ANKRD30BL: variants seen among roughly 807,000 people sequenced by gnomAD.
ANKRD30BL encodes the protein putative ankyrin repeat domain-containing protein 30B-like.
ANKRD30BL carries 20 observed loss-of-function variants against 18.4 expected under a neutral mutation model. The ratio of observed to expected loss-of-function variants is 1.09; its 90% CI spans 0.77 to 1.58. ANKRD30BL has a LOEUF of 1.58. ANKRD30BL is among the 40% of genes most tolerant of loss of function. ANKRD30BL has a pLI of 0.00. For synonymous variants in ANKRD30BL, 72 were observed against 100.9 expected (o/e 0.71, Z 1.72); for missense variants, 224 against 268.6 (o/e 0.83, Z 1.16).
chr2:132,212,480 A>G (rs1183457668), intron 1 of ANKRD30BL, among the ~76,000 whole-genome samples: 1 of 151,862 alleles, frequency 6.6e-6, no homozygotes, highest in Non-Finnish European at 1.5e-5. Flanking sequence ...TTCACATAAA[A>G]ACTGTTCAGA....
At chr2:132,216,968 G>A (rs79138003) in intron 1 of ANKRD30BL, among the ~76,000 whole-genome samples, 1 of 152,150 alleles carries the variant, frequency 6.6e-6, no homozygotes, top group Non-Finnish European at 1.5e-5. Flanking sequence ...TCTTTGTGAT[G>A]TGTGAATTCA....
At chr2:132,233,148 C>A (rs1391762158) in intron 1 of ANKRD30BL, among the ~76,000 whole-genome samples, 3 of 150,986 alleles carry the variant, frequency 2.0e-5, no homozygotes, top group Non-Finnish European at 3.0e-5. Flanking sequence ...GAGATTTTGT[C>A]ACCACCAGGC....
intron 1 of ANKRD30BL, among the ~76,000 whole-genome samples, chr2:132,228,748 C>A (rs1488122335): frequency 3.5e-5 from 5 of 144,248 alleles, no homozygotes; most frequent in South Asian, 2.1e-4. Context: ...GCTTTGTGGC[C>A]TATGGTAGAA....
chr2:132,224,521 T>C (rs962733402), intron 1 of ANKRD30BL, among the ~76,000 whole-genome samples: 1 of 152,114 alleles, frequency 6.6e-6, no homozygotes, highest in African/African-American at 2.4e-5. Context: ...CTTTGTGATG[T>C]GTGCATTCAA....
chr2:132,194,901 C>T (rs1020056478), intron 1 of ANKRD30BL, among the ~76,000 whole-genome samples: 2 of 152,158 alleles, frequency 1.3e-5, no homozygotes, highest in African/African-American at 4.8e-5. Context: ...AATACCATCC[C>T]ATCTTATCTC....
chr2:132,243,064 C>G (rs1031962829), intron 1 of ANKRD30BL, among the ~76,000 whole-genome samples: 5 of 151,362 alleles, frequency 3.3e-5, no homozygotes, highest in African/African-American at 1.2e-4. Context: ...TCACATAAAA[C>G]TAGACAGAGG....
At chr2:132,251,595 T>A (rs375917245) in intron 1 of ANKRD30BL, among the ~76,000 whole-genome samples, 2 of 152,202 alleles carry the variant, frequency 1.3e-5, no homozygotes, top group African/African-American at 4.8e-5. Context: ...AAGCCACAGA[T>A]AGTTTTGTTA....
At position 132,182,613 on chromosome 2, in the gene ANKRD30BL, G is replaced by A. The variant is rs1263207495; in HGVS notation, n.442-25467C>T. On this transcript the variant is annotated intron_variant and non_coding_transcript_variant, in intron 1 of 4. Coordinates refer to the ANKRD30BL transcript ENST00000470729. ...TGCACAATAGGAAGAAATAAGTTAG[G>A]GATGGATACAAATTGAAAGAAGGAT... 2.6e-5 allele frequency among the ~76,000 whole-genome samples: 4 copies of A among 152,180 alleles called. No individual in the cohort carries two copies. In the East Asian group the frequency reaches 7.7e-4, roughly 29 times the overall value.
rs576289305 is a variant in ANKRD30BL, at chr2:132,246,280, G to A, written n.441+11249C>T. Among the ~76,000 whole-genome samples the A allele has an allele frequency of 1.1e-4, 17 of 151,216 alleles. No individual in the cohort carries two copies. In the South Asian group the frequency reaches 1.9e-3, roughly 17 times the overall value. ...AAACTTGGAGCGCTTTGAGGTGTAC[G>A]GTGAAAAAGGAAATATCTTCCCATA... On this transcript the variant is annotated intron_variant and non_coding_transcript_variant, in intron 1 of 4. Coordinates refer to the ANKRD30BL transcript ENST00000470729.
At chr2:132,242,007 T>C (rs796095087) in intron 1 of ANKRD30BL, among the ~76,000 whole-genome samples, 4 of 151,342 alleles carry the variant, frequency 2.6e-5, no homozygotes, top group East Asian at 1.9e-4. Context: ...TTGAGACCTA[T>C]GGTGAAAAAG....
intron 1 of ANKRD30BL, among the ~76,000 whole-genome samples, chr2:132,205,098 CCCTGGAT>C (rs1394799589): frequency 9.2e-5 from 14 of 152,222 alleles, no homozygotes; most frequent in South Asian, 2.1e-4. Flanking sequence ...ATTTTTGCTT[CCCTGGAT>C]CATTTACTGG....
intron 1 of ANKRD30BL, among the ~76,000 whole-genome samples, chr2:132,218,436 G>T (rs987113007): frequency 2.2e-5 from 3 of 138,532 alleles, no homozygotes; most frequent in African/African-American, 8.1e-5. Context: ...GAGCTTTGAG[G>T]CCTATGGTGG....
Position 132,225,550 on chromosome 2 carries a change from A to G in ANKRD30BL, n.441+31979T>C, listed in dbSNP as rs571664587. Reference sequence around the variant, plus strand: ...AAACTTCTTGTGATGTGTACATTCAACTCACAGAGTTGAAACTTTCTTTTG... The same window carrying G: ...AAACTTCTTGTGATGTGTACATTCAGCTCACAGAGTTGAAACTTTCTTTTG... On this transcript the variant is annotated intron_variant and non_coding_transcript_variant, in intron 1 of 4. Coordinates refer to the ANKRD30BL transcript ENST00000470729. 1.7e-3 allele frequency among the ~76,000 whole-genome samples: 255 copies of G among 152,126 alleles called. 1 individual carries two copies. The highest frequency in any genetic ancestry group is 5.7e-3 in the African/African-American group (235 of 41,526).
At chr2:132,237,791 T>C (rs148066890) in intron 1 of ANKRD30BL, among the ~76,000 whole-genome samples, 2 of 151,494 alleles carry the variant, frequency 1.3e-5, no homozygotes, top group Admixed American at 1.3e-4. Context: ...GAAATATCTT[T>C]CCATAAAAAC....
chr2:132,175,162 C>T (rs1490823648), intron 1 of ANKRD30BL, among the ~76,000 whole-genome samples: 7 of 151,742 alleles, frequency 4.6e-5, no homozygotes, highest in Admixed American at 1.3e-4. Flanking sequence ...ATACCAAGGA[C>T]GTGCACCAGC....
chr2:132,188,612 A>G (rs1425220144), intron 1 of ANKRD30BL, among the ~76,000 whole-genome samples: 1 of 152,110 alleles, frequency 6.6e-6, no homozygotes. Flanking sequence ...CAGGAGGTTG[A>G]GGCAGGAGAA....
At chr2:132,160,121 T>A (rs991596664) in intron 1 of ANKRD30BL, among the ~76,000 whole-genome samples, 1 of 152,174 alleles carries the variant, frequency 6.6e-6, no homozygotes, top group Non-Finnish European at 1.5e-5. Context: ...TATTTATTTT[T>A]GAGACAGAGT....
chr2:132,189,056 A>G lies in ANKRD30BL; in HGVS notation n.442-31910T>C, dbSNP rs1473925166. 2.0e-5 allele frequency among the ~76,000 whole-genome samples: 3 copies of G among 152,300 alleles called. No homozygotes were observed. The East Asian group carries it at 5.8e-4, about 30-fold the overall frequency. On this transcript the variant is annotated intron_variant and non_coding_transcript_variant, in intron 1 of 4. Coordinates refer to the ANKRD30BL transcript ENST00000470729. ...GGTTATACCAATTTGATTTACAACA[A>G]TGAAAGAACCATCTGCTTATACTTG... is the stretch of plus-strand genomic sequence containing the variant.
At chr2:132,166,060 T>C (rs6714407), upstream of ANKRD30BL, among the ~76,000 whole-genome samples, 4 of 151,904 alleles carry the variant, frequency 2.6e-5, no homozygotes, top group Non-Finnish European at 2.9e-5. Flanking sequence ...AGCTTTTTCT[T>C]CATCAGTTGA....
Sources: gnomAD v4.1 joint callset for allele counts (sites outside exome capture counted in the v4.1 genomes callset) on GRCh38, gnomAD v4.1.1 for gene constraint, MANE v1.5 for transcripts, NCBI Gene and HGNC (gene_info 2026-07-23, HGNC 2026-07-21) for gene names.